Variants in TRAK1 observed in about 807,000 individuals in gnomAD.
TRAK1 encodes the protein trafficking kinesin protein 1, also known as trafficking kinesin-binding protein 1.
TRAK1 carries 33 observed loss-of-function variants against 92.1 expected under a neutral mutation model. The ratio of observed to expected loss-of-function variants is 0.36; its 90% CI spans 0.27 to 0.48. The LOEUF (loss-of-function observed/expected upper bound fraction) is 0.48, where lower values mean the gene tolerates loss of function less well. TRAK1 is among the 20% of genes least tolerant of loss of function. The pLI, the probability that TRAK1 is intolerant of heterozygous loss-of-function variation, is 0.99. For missense variants in TRAK1, 1,123 were observed against 1,257.9 expected, an observed-to-expected ratio of 0.89 and a Z score of 1.62; for synonymous variants, 521 against 517.3, an observed-to-expected ratio of 1.01 and a Z score of -0.10.
chr3:42,112,942 T>A (rs1396449491), intron 1 of TRAK1, among the ~76,000 whole-genome samples: 1 of 149,344 alleles, frequency 6.7e-6, no homozygotes, highest in South Asian at 2.1e-4. Context: ...GGATTTTTAA[T>A]TTTTTTTTTG....
intron 1 of TRAK1, among the ~76,000 whole-genome samples, chr3:42,044,836 G>GTT (rs141711504): frequency 6.6e-5 from 10 of 151,460 alleles, no homozygotes; most frequent in African/African-American, 2.4e-4. Context: ...CCTGTGCTCT[G>GTT]TTTTTTTTTA....
At position 42,174,189 on chromosome 3, in the gene TRAK1, A is replaced by G. The variant is rs183025461; in HGVS notation, c.287-2625A>G. 1.6e-3 allele frequency among the ~76,000 whole-genome samples: 244 copies of G among 152,160 alleles called. 1 individual carries two copies. Among genetic ancestry groups the G allele is most frequent in the Non-Finnish European group, 2.4e-4 (16 of 67,992 alleles). Reference sequence around the variant, plus strand: ...CAGGCATCTGCCACCACGGCTGGCTAATTTTTGTGTTTTTAGTAGAGACAG... The same window carrying G: ...CAGGCATCTGCCACCACGGCTGGCTGATTTTTGTGTTTTTAGTAGAGACAG... On this transcript the variant is annotated intron_variant, in intron 2 of 15. Transcript: ENST00000327628.
rs1475335078 is a variant in TRAK1, at chr3:42,064,870, G to A, written c.-518-22234G>A. 2.0e-5 allele frequency among the ~76,000 whole-genome samples: 3 copies of A among 152,030 alleles called. No individual in the cohort carries two copies. The East Asian group carries it at 5.8e-4, about 29-fold the overall frequency. On this transcript the variant is annotated intron_variant, in intron 1 of 16. Coordinates refer to the TRAK1 transcript ENST00000487159. Reference sequence around the variant, plus strand: ...GATCAAGACCATCCTGGCTGACACGGTGAAACCCTGTCTCTACTAAAAATA... The same window carrying A: ...GATCAAGACCATCCTGGCTGACACGATGAAACCCTGTCTCTACTAAAAATA...
At chr3:42,110,327 G>C (rs1023060598) in intron 1 of TRAK1, among the ~76,000 whole-genome samples, 1 of 151,606 alleles carries the variant, frequency 6.6e-6, no homozygotes, top group Non-Finnish European at 1.5e-5. Flanking sequence ...GTTGAGGGGT[G>C]GGGGTTGATG....
At chr3:42,073,634 C>T (rs532765687) in intron 1 of TRAK1, among the ~76,000 whole-genome samples, 17 of 152,316 alleles carry the variant, frequency 1.1e-4, no homozygotes, top group Non-Finnish European at 2.2e-4. Flanking sequence ...AGGCGGATAA[C>T]GGCTTCTTGA....
At chr3:42,121,570 T>G (rs919421113) in intron 1 of TRAK1, among the ~76,000 whole-genome samples, 3 of 151,864 alleles carry the variant, frequency 2.0e-5, no homozygotes, top group Admixed American at 6.6e-5. Context: ...CCTGGGGAAT[T>G]CTTGAAGACT....
intron 1 of TRAK1, among the ~76,000 whole-genome samples, chr3:42,025,862 A>G (rs1480541239): frequency 6.6e-6 from 1 of 152,134 alleles, no homozygotes; most frequent in Non-Finnish European, 1.5e-5. Context: ...AGCCTTGTTC[A>G]CTTCCCACAT....
At chr3:42,066,605 C>T (rs929521683) in intron 1 of TRAK1, among the ~76,000 whole-genome samples, 18 of 152,008 alleles carry the variant, frequency 1.2e-4, no homozygotes, top group Admixed American at 3.9e-4. Flanking sequence ...AGCTTAGGCA[C>T]GGCTCAGTCC....
intron 2 of TRAK1, among the ~76,000 whole-genome samples, chr3:42,175,545 G>T (rs2149358351): frequency 6.6e-6 from 1 of 152,286 alleles, no homozygotes; most frequent in Non-Finnish European, 1.5e-5. Context: ...CTTGTCTGCT[G>T]GCTCTGGTGG....
chr3:42,154,221 G>A (rs1700280141), intron 2 of TRAK1, among the ~76,000 whole-genome samples: 1 of 152,032 alleles, frequency 6.6e-6, no homozygotes, highest in Non-Finnish European at 1.5e-5. Context: ...CATCCAGGCT[G>A]GAGTGCAGTG....
chr3:42,102,628 C>G (rs1706945520), intron 1 of TRAK1, among the ~76,000 whole-genome samples: 1 of 152,172 alleles, frequency 6.6e-6, no homozygotes, highest in East Asian at 1.9e-4. Context: ...GCTTCTCTGT[C>G]TGCTGATGGG....
Position 42,096,021 on chromosome 3 carries a change from T to C in TRAK1, c.91+4461T>C, listed in dbSNP as rs115639009. Among the ~76,000 whole-genome samples, 1,179 of 152,344 alleles carry C rather than the reference T, an allele frequency of 7.7e-3. 15 individuals are homozygous for C. Among genetic ancestry groups the C allele is most frequent in the African/African-American group, 0.026 (1,099 of 41,578 alleles). On this transcript the variant is annotated intron_variant, in intron 1 of 15. Transcript: ENST00000327628. ...CCAGACATTTGGTGGTGCCTTTATC[T>C]TGGACTTGTCAGTCCCCAAAGCTGG...
At chr3:42,096,230 T>G (rs1705888985) in intron 1 of TRAK1, among the ~76,000 whole-genome samples, 1 of 152,240 alleles carries the variant, frequency 6.6e-6, no homozygotes, top group Non-Finnish European at 1.5e-5. Flanking sequence ...ACGAATCCTC[T>G]TAAAAACATA....
In TRAK1 at chr3:42,223,032, C is replaced by G. The variant is rs747140165; in HGVS notation, c.2157C>G (p.Ser719Arg). The G allele has an allele frequency of 5.0e-5, 81 of 1,613,998 alleles. No individual in the cohort carries two copies. Among genetic ancestry groups the G allele is most frequent in the Non-Finnish European group, 6.6e-5 (78 of 1,180,040 alleles). The change falls in exon 16 of 16, where the codon AGC becomes AGG. Residue 719 changes from serine to arginine, a missense_variant. This residue lies in a region of TRAK1 where 401 missense variants were observed against 438.9 expected (regional missense o/e 0.91). Coordinates refer to ENST00000327628, the MANE Select transcript of TRAK1 (RefSeq NM_001042646.3). This position sits in a 1 kb window ranked among gnomAD's most constrained non-coding sequence, Gnocchi z 6.1. ...CACCATGCACTCCACGGAGACTGAGCCTGGCTGAGTCCTTCACTAACACCC... is the reference window on the plus strand; with the variant it reads ...CACCATGCACTCCACGGAGACTGAGGCTGGCTGAGTCCTTCACTAACACCC... Reference protein sequence around the residue: ...VATPCTPRRLSLAESFTNTRE... With the variant: ...VATPCTPRRLRLAESFTNTRE...
At chr3:42,179,210 T>C (rs1328901085) in intron 3 of TRAK1, among the ~76,000 whole-genome samples, 1 of 152,248 alleles carries the variant, frequency 6.6e-6, no homozygotes, top group Non-Finnish European at 1.5e-5. Context: ...CCTGATAAGA[T>C]TCATGCCTGA....
chr3:42,121,237 G>A (rs1263143562), intron 1 of TRAK1, among the ~76,000 whole-genome samples: 1 of 151,986 alleles, frequency 6.6e-6, no homozygotes, highest in Non-Finnish European at 1.5e-5. Context: ...GTTTGGCATG[G>A]TGAAAGCATT....
Position 42,033,585 on chromosome 3 carries a change from C to CTCAATCAATCAATCAA in TRAK1, c.-519+19474_-519+19489dup, listed in dbSNP as rs61686568. 7.1e-4 allele frequency among the ~76,000 whole-genome samples: 108 copies of CTCAATCAATCAATCAA among 151,598 alleles called. No homozygotes were observed. The East Asian group carries it at 0.017, about 24-fold the overall frequency. On this transcript the variant is annotated intron_variant, in intron 1 of 16. Transcript: ENST00000487159. ...CCCAATCAACAGAGCAAGACCCTGT[C>CTCAATCAATCAATCAA]TCAATCAATCAATCAATCAATAATC...
intron 1 of TRAK1, among the ~76,000 whole-genome samples, chr3:42,098,986 G>T (rs1706343467): frequency 6.6e-6 from 1 of 151,940 alleles, no homozygotes; most frequent in African/African-American, 2.4e-5. Context: ...GAATTGAGGG[G>T]CTGGGGGTCT....
intron 1 of TRAK1, among the ~76,000 whole-genome samples, chr3:42,045,460 A>G (rs140256615): frequency 0.087 from 13,216 of 152,208 alleles, 627 homozygotes; most frequent in Non-Finnish European, 0.11. Flanking sequence ...TCTTGAACCC[A>G]GGAGGCAGAG....
Sources: gnomAD v4.1 joint callset for allele counts (sites outside exome capture counted in the v4.1 genomes callset) on GRCh38, gnomAD v4.1.1 for gene constraint, gnomAD v4.1.1 regional missense constraint, Gnocchi (gnomAD v3.1) non-coding constraint, MANE v1.5 for transcripts, NCBI Gene and HGNC (gene_info 2026-07-23, HGNC 2026-07-21) for gene names.